The following SHB variants were observed in gnomAD, a reference collection of about 807,000 sequenced individuals.
SHB encodes the protein SH2 domain-containing adapter protein B.
SHB carries 20 observed loss-of-function variants against 52.3 expected under a neutral mutation model. That is an observed-to-expected ratio of 0.38 (90% CI 0.27 to 0.56). The LOEUF is 0.56. Among genes scored for constraint, SHB ranks in the 20% least tolerant of loss-of-function variants. SHB has a pLI of 0.71. For missense variants in SHB, 825 were observed against 723.3 expected (o/e 1.14, Z -1.61); for synonymous variants, 397 against 316.5 (o/e 1.25, Z -2.70).
At chr9:37,972,122 G>T (rs1425513394) in intron 3 of SHB, among the ~76,000 whole-genome samples, 1 of 152,184 alleles carries the variant, frequency 6.6e-6, no homozygotes, top group East Asian at 1.9e-4. Context: ...CCCACAGGGG[G>T]TCAGTCCAGG....
chr9:38,045,424 G>C (rs1294214012), intron 1 of SHB, among the ~76,000 whole-genome samples: 1 of 148,620 alleles, frequency 6.7e-6, no homozygotes, highest in Non-Finnish European at 1.5e-5. Context: ...AACATGGTGA[G>C]ACCCCCCCCA....
chr9:37,939,326 A>G (rs949872798), intron 5 of SHB, among the ~76,000 whole-genome samples: 14 of 152,378 alleles, frequency 9.2e-5, no homozygotes, highest in Non-Finnish European at 1.9e-4. Flanking sequence ...GGAGCTGGGC[A>G]GGCTCAGCCT....
At chr9:38,053,490 G>C (rs1821778417) in intron 1 of SHB, among the ~76,000 whole-genome samples, 1 of 152,094 alleles carries the variant, frequency 6.6e-6, no homozygotes, top group Non-Finnish European at 1.5e-5. Context: ...GCCCACCCCA[G>C]TCTCCCAAAG....
chr9:37,925,390 G>A (rs1832236467), intron 5 of SHB, among the ~76,000 whole-genome samples: 1 of 152,326 alleles, frequency 6.6e-6, no homozygotes, highest in Non-Finnish European at 1.5e-5. Context: ...AGCTTCCGGA[G>A]GGTCATCCCT....
In SHB at chr9:37,919,172, A is replaced by G. The variant is rs1432174496; in HGVS notation, c.*649T>C. On this transcript the variant is annotated 3_prime_UTR_variant, in exon 6 of 6. Transcript: ENST00000377707. The stretch of plus-strand genomic sequence containing the variant: ...TTTTATTTACACACCCTATTCATAA[A>G]TAATTGAATCCTCTTTTTGACTGCA... 3 of 152,706 alleles carry G rather than the reference A, an allele frequency of 2.0e-5. No individual in the cohort carries two copies. Among genetic ancestry groups the G allele is most frequent in the African/African-American group, 7.2e-5 (3 of 41,450 alleles). The allele number at this position is 152,706 out of a possible 1,614,324, so 9.5% of individuals were successfully genotyped here. A position where few individuals can be genotyped will look rare whatever the true frequency, so the allele number is the denominator to read the frequency against.
chr9:37,960,592 A>G (rs1832683240), intron 3 of SHB, among the ~76,000 whole-genome samples: 1 of 152,194 alleles, frequency 6.6e-6, no homozygotes, highest in Non-Finnish European at 1.5e-5. Context: ...TGTTTTTCCA[A>G]AAGTTCTGCC....
intron 2 of SHB, 144 bp downstream of exon 2, chr9:38,015,867 A>T: frequency 2.6e-6 from 2 of 780,992 alleles, no homozygotes; most frequent in Non-Finnish European, 4.2e-6. Flanking sequence ...GGGAAGACTT[A>T]ATACAGCATT....
intron 4 of SHB, among the ~76,000 whole-genome samples, chr9:37,955,513 T>C (rs1258441468): frequency 1.3e-5 from 2 of 152,164 alleles, no homozygotes; most frequent in Non-Finnish European, 2.9e-5. Flanking sequence ...GGTCTCGCTC[T>C]GTTGCCCAGG....
intron 1 of SHB, among the ~76,000 whole-genome samples, chr9:38,055,832 T>C (rs1278986046): frequency 2.6e-5 from 4 of 151,946 alleles, no homozygotes; most frequent in African/African-American, 9.7e-5. Context: ...ACCACCGTGA[T>C]TGCCTCAAAT....
intron 1 of SHB, among the ~76,000 whole-genome samples, chr9:38,029,067 T>C (rs1362651970): frequency 6.6e-6 from 1 of 152,220 alleles, no homozygotes; most frequent in Non-Finnish European, 1.5e-5. Flanking sequence ...GACCCCTTAC[T>C]GCATCCTAGC....
Position 37,918,741 on chromosome 9 carries a change from G to A in SHB, c.*1080C>T, listed in dbSNP as rs1832136256. Reference sequence around the variant, plus strand: ...ACATGCCAAATACCTCCCAGGTGGTGCTAACAGATAGTGGGGAGAGAGCCC... The same window carrying A: ...ACATGCCAAATACCTCCCAGGTGGTACTAACAGATAGTGGGGAGAGAGCCC... On this transcript the variant is annotated 3_prime_UTR_variant, in exon 6 of 6. Coordinates refer to ENST00000377707, the MANE Select transcript of SHB (RefSeq NM_003028.3). Among the ~76,000 whole-genome samples the A allele has an allele frequency of 6.6e-6, 1 of 152,244 alleles. No individual in the cohort carries two copies. The highest frequency in any genetic ancestry group is 2.4e-5 in the African/African-American group (1 of 41,462).
intron 5 of SHB, among the ~76,000 whole-genome samples, chr9:37,924,599 C>T (rs1832223572): frequency 6.6e-6 from 1 of 152,136 alleles, no homozygotes; most frequent in Admixed American, 6.5e-5. Context: ...AGCTGCTGTC[C>T]TGACCCAGAT....
intron 1 of SHB, among the ~76,000 whole-genome samples, chr9:38,045,293 C>A (rs1380803077): frequency 6.6e-6 from 1 of 152,148 alleles, no homozygotes; most frequent in Non-Finnish European, 1.5e-5. Context: ...AACTTTTCTT[C>A]TAGTAACATT....
At chr9:38,050,174 T>G (rs1053746584) in intron 1 of SHB, among the ~76,000 whole-genome samples, 1 of 152,228 alleles carries the variant, frequency 6.6e-6, no homozygotes, top group Admixed American at 6.5e-5. Context: ...TAAATCCACC[T>G]GTCAATGTCT....
At chr9:37,970,021 G>T (rs995195926) in intron 3 of SHB, among the ~76,000 whole-genome samples, 3 of 152,224 alleles carry the variant, frequency 2.0e-5, no homozygotes, top group Non-Finnish European at 4.4e-5. Context: ...TGGAAGGCTG[G>T]TGTCTCTGCC....
chr9:37,990,801 C>T (rs552931282), intron 2 of SHB, among the ~76,000 whole-genome samples: 1 of 152,352 alleles, frequency 6.6e-6, no homozygotes, highest in South Asian at 2.1e-4. Context: ...CTGAACACAT[C>T]ACGCTACAGT....
intron 3 of SHB, among the ~76,000 whole-genome samples, chr9:37,956,346 A>C (rs1832634021): frequency 1.3e-5 from 2 of 152,000 alleles, no homozygotes; most frequent in Non-Finnish European, 2.9e-5. Context: ...GGGGCATGGC[A>C]CTGCCTTCGG....
chr9:37,998,162 T>C (rs927949502), intron 2 of SHB, among the ~76,000 whole-genome samples: 2 of 147,774 alleles, frequency 1.4e-5, no homozygotes, highest in African/African-American at 5.0e-5. Context: ...CTCTGAGCTC[T>C]GAGTTACGAT....
At chr9:37,996,506 A>T (rs116019099) in intron 2 of SHB, among the ~76,000 whole-genome samples, 457 of 152,298 alleles carry the variant, frequency 3.0e-3, no homozygotes, top group African/African-American at 0.01. Context: ...GCAGTTCTTT[A>T]AAAAAATTTG....
Sources: allele counts gnomAD v4.1 joint callset (sites outside exome capture counted in the v4.1 genomes callset), GRCh38; gene constraint gnomAD v4.1.1; transcripts MANE v1.5; gene names NCBI Gene and HGNC (gene_info 2026-07-23, HGNC 2026-07-21).